Variants in UMAD1 observed in about 807,000 individuals in gnomAD.
The protein encoded by UMAD1 is UBAP1-MVB12-associated (UMA) domain containing 1.
In UMAD1, 8 loss-of-function variants were observed where a neutral mutation model predicts 6.1. That is an observed-to-expected ratio of 1.30 (90% CI 0.76 to 2.35). The LOEUF (loss-of-function observed/expected upper bound fraction) is 2.35, where lower values mean the gene tolerates loss of function less well. Ranked by LOEUF, UMAD1 falls within the 30% of genes most tolerant of loss-of-function variation. UMAD1 has a pLI of 0.00. For synonymous variants in UMAD1, 56 were observed against 31.4 expected, an observed-to-expected ratio of 1.78 and a Z score of -2.61; for missense variants, 130 against 78.4, an observed-to-expected ratio of 1.66 and a Z score of -2.49.
chr7:7,849,260 C>T (rs1783868679), intron 3 of UMAD1, among the ~76,000 whole-genome samples: 1 of 152,154 alleles, frequency 6.6e-6, no homozygotes, highest in Non-Finnish European at 1.5e-5. Context: ...TGCTGCTCCT[C>T]CTTATAACAC....
intron 2 of UMAD1, among the ~76,000 whole-genome samples, chr7:7,678,387 G>C (rs1024797734): frequency 3.4e-5 from 5 of 145,536 alleles, no homozygotes; most frequent in African/African-American, 1.3e-4. Context: ...TGTATGTCTT[G>C]AGAAATAGCT....
At chr7:7,661,742 G>A (rs760338978) in intron 1 of UMAD1, among the ~76,000 whole-genome samples, 5 of 152,122 alleles carry the variant, frequency 3.3e-5, no homozygotes, top group Admixed American at 2.0e-4. Flanking sequence ...GGTGTCTGTC[G>A]GCCCCTGCTG....
chr7:7,759,954 C>G (rs1443991017), intron 2 of UMAD1, among the ~76,000 whole-genome samples: 1 of 152,076 alleles, frequency 6.6e-6, no homozygotes, highest in Non-Finnish European at 1.5e-5. Flanking sequence ...AAAGTTGTGT[C>G]GACGCCCCCT....
intron 3 of UMAD1, among the ~76,000 whole-genome samples, chr7:7,846,009 C>T (rs1783776098): frequency 6.6e-6 from 1 of 152,052 alleles, no homozygotes; most frequent in African/African-American, 2.4e-5. Flanking sequence ...TGAGAACAGT[C>T]TATCTTTGAG....
intron 2 of UMAD1, among the ~76,000 whole-genome samples, chr7:7,707,465 G>A (rs1453670517): frequency 6.6e-6 from 1 of 152,126 alleles, no homozygotes; most frequent in Non-Finnish European, 1.5e-5. Context: ...TTGAACGTAT[G>A]TTCCATTTGG....
intron 2 of UMAD1, among the ~76,000 whole-genome samples, chr7:7,793,652 C>G (rs1411349447): frequency 6.6e-6 from 1 of 152,104 alleles, no homozygotes; most frequent in Non-Finnish European, 1.5e-5. Context: ...TCACATACTG[C>G]TAGTCTGCCC....
intron 3 of UMAD1, among the ~76,000 whole-genome samples, chr7:7,823,393 C>T (rs2115298358): frequency 6.6e-6 from 1 of 152,162 alleles, no homozygotes; most frequent in Non-Finnish European, 1.5e-5. Flanking sequence ...TTGGGTTATA[C>T]TTAGACCAAA....
chr7:7,848,776 T>C (rs1022361486), intron 3 of UMAD1, among the ~76,000 whole-genome samples: 11 of 152,104 alleles, frequency 7.2e-5, no homozygotes, highest in African/African-American at 2.7e-4. Flanking sequence ...CTTTTAGGAT[T>C]ATTAGGTCAA....
intron 1 of UMAD1, among the ~76,000 whole-genome samples, chr7:7,649,629 T>G (rs1785177907): frequency 6.6e-6 from 1 of 152,210 alleles, no homozygotes; most frequent in Non-Finnish European, 1.5e-5. Context: ...ACTTTTTTCT[T>G]CTTTAATGTT....
chr7:7,692,979 C>G (rs546872516), intron 2 of UMAD1, among the ~76,000 whole-genome samples: 1 of 152,098 alleles, frequency 6.6e-6, no homozygotes, highest in Non-Finnish European at 1.5e-5. Context: ...TCTAAAATAG[C>G]TGTAGGAGGA....
intron 1 of UMAD1, among the ~76,000 whole-genome samples, chr7:7,668,805 A>G (rs941633654): frequency 6.6e-6 from 1 of 152,238 alleles, no homozygotes; most frequent in Non-Finnish European, 1.5e-5. Flanking sequence ...CAATTATTCT[A>G]GTTAAGTGCT....
At chr7:7,666,328 C>T (rs114369920) in intron 1 of UMAD1, among the ~76,000 whole-genome samples, 395 of 151,996 alleles carry the variant, frequency 2.6e-3, no homozygotes, top group African/African-American at 9.1e-3. Context: ...TTCAGCCTGC[C>T]GAATAGCTGG....
intron 3 of UMAD1, among the ~76,000 whole-genome samples, chr7:7,857,127 G>A (rs976982166): frequency 6.6e-6 from 1 of 152,118 alleles, no homozygotes; most frequent in Non-Finnish European, 1.5e-5. Flanking sequence ...ATATACACAC[G>A]GGTCTTTTAA....
intron 1 of UMAD1, chr7:7,641,367 C>T (rs1449493956): frequency 6.6e-6 from 1 of 152,172 alleles, no homozygotes; most frequent in Non-Finnish European, 1.5e-5. Flanking sequence ...CGTTGTTAGA[C>T]CCCGAGCTAG....
intron 2 of UMAD1, among the ~76,000 whole-genome samples, chr7:7,751,328 A>C (rs1341647164): frequency 1.3e-5 from 2 of 152,228 alleles, no homozygotes. Flanking sequence ...CTAAAGTTAA[A>C]GTTTCAAGAA....
intron 1 of UMAD1, among the ~76,000 whole-genome samples, chr7:7,655,320 T>G (rs1785315860): frequency 6.6e-6 from 1 of 152,216 alleles, no homozygotes; most frequent in Admixed American, 6.5e-5. Flanking sequence ...TCCACGTGTC[T>G]CATTTGGAAA....
chr7:7,692,708 C>G lies in UMAD1; in HGVS notation c.82+19255C>G, dbSNP rs541519284. Among the ~76,000 whole-genome samples, 6 of 152,274 alleles carry G rather than the reference C, an allele frequency of 3.9e-5. No individual in the cohort carries two copies. In the East Asian group the frequency reaches 9.7e-4, roughly 25 times the overall value. Reference sequence around the variant, plus strand: ...CACTGCAACCTCCACCTCCTGGGTTCAAGTGATTCTCCTGCCTCAGCCTCC... The same window carrying G: ...CACTGCAACCTCCACCTCCTGGGTTGAAGTGATTCTCCTGCCTCAGCCTCC... On this transcript the variant is annotated intron_variant, in intron 2 of 3. Coordinates refer to ENST00000682710, the MANE Select transcript of UMAD1 (RefSeq NM_001302348.2).
intron 1 of UMAD1, among the ~76,000 whole-genome samples, chr7:7,665,309 C>T (rs1487827371): frequency 6.6e-6 from 1 of 152,168 alleles, no homozygotes; most frequent in Non-Finnish European, 1.5e-5. Flanking sequence ...TAGGCAGGCC[C>T]TTTTATACGC....
intron 3 of UMAD1, among the ~76,000 whole-genome samples, chr7:7,818,715 T>C (rs912312791): frequency 1.3e-5 from 2 of 152,228 alleles, no homozygotes; most frequent in African/African-American, 2.4e-5. Flanking sequence ...TGCACACTTA[T>C]GTTCATTGTA....
Sources: gnomAD v4.1 joint callset for allele counts (sites outside exome capture counted in the v4.1 genomes callset) on GRCh38, gnomAD v4.1.1 for gene constraint, MANE v1.5 for transcripts, NCBI Gene and HGNC (gene_info 2026-07-23, HGNC 2026-07-21) for gene names.